TMCC1: variants seen among roughly 807,000 people sequenced by gnomAD.
TMCC1 encodes the protein transmembrane and coiled-coil domains protein 1.
TMCC1 carries 15 observed loss-of-function variants against 52.4 expected under a neutral mutation model. The ratio of observed to expected loss-of-function variants is 0.29; its 90% CI spans 0.19 to 0.44. TMCC1 has a LOEUF of 0.44. TMCC1 is among the 20% of genes least tolerant of loss of function. TMCC1 has a pLI of 1.00. For missense variants in TMCC1, 503 were observed against 806.0 expected (o/e 0.62, Z 4.55); for synonymous variants, 279 against 301.9 (o/e 0.92, Z 0.79).
chr3:129,695,809 G>A (rs528812613), intron 4 of TMCC1, among the ~76,000 whole-genome samples: 9 of 152,184 alleles, frequency 5.9e-5, no homozygotes, highest in African/African-American at 2.2e-4. Flanking sequence ...TGAGGACTAA[G>A]CTCTGATTTT....
intron 5 of TMCC1, among the ~76,000 whole-genome samples, chr3:129,668,453 G>C (rs1432084301): frequency 6.6e-6 from 1 of 152,152 alleles, no homozygotes; most frequent in African/African-American, 2.4e-5. Context: ...TAAGAGAACT[G>C]AAGAAACTTG....
At chr3:129,652,430 A>C (rs1350931929) in intron 6 of TMCC1, among the ~76,000 whole-genome samples, 2 of 152,182 alleles carry the variant, frequency 1.3e-5, no homozygotes, top group African/African-American at 4.8e-5. Flanking sequence ...GCCTTATTAT[A>C]TCCCCTCCCT....
intron 4 of TMCC1, among the ~76,000 whole-genome samples, chr3:129,731,780 C>T (rs2050565006): frequency 6.6e-6 from 1 of 152,010 alleles, no homozygotes; most frequent in Non-Finnish European, 1.5e-5. Context: ...GCCCCCAAGC[C>T]CGGCTAGTTT....
intron 5 of TMCC1, among the ~76,000 whole-genome samples, chr3:129,669,841 A>G (rs541335662): frequency 3.7e-4 from 56 of 152,342 alleles, no homozygotes; most frequent in African/African-American, 1.3e-3. Flanking sequence ...TTTCATGTTT[A>G]AGTCCACTCT....
chr3:129,725,543 G>T, intron 4 of TMCC1, among the ~76,000 whole-genome samples: 1 of 151,898 alleles, frequency 6.6e-6, no homozygotes, highest in East Asian at 1.9e-4. Context: ...ATAGAAAAAA[G>T]AAAATAGAAA....
intron 6 of TMCC1, 113 bp downstream of exon 6, chr3:129,654,855 G>A (rs931470576): frequency 1.4e-6 from 2 of 1,392,782 alleles, no homozygotes; most frequent in East Asian, 4.6e-5. Context: ...TTACACAGTT[G>A]GTATAAGCTT....
At chr3:129,845,625 A>G (rs2059629543) in intron 2 of TMCC1, among the ~76,000 whole-genome samples, 1 of 152,214 alleles carries the variant, frequency 6.6e-6, no homozygotes, top group Non-Finnish European at 1.5e-5. Context: ...AAGAGGCCCC[A>G]TGAAACTGAA....
chr3:129,864,655 AT>A (rs932317769), intron 2 of TMCC1, among the ~76,000 whole-genome samples: 8 of 152,166 alleles, frequency 5.3e-5, no homozygotes, highest in Non-Finnish European at 1.2e-4. Context: ...CTGTAGGAGA[AT>A]CATCTAAGCC....
intron 4 of TMCC1, among the ~76,000 whole-genome samples, chr3:129,680,090 A>G (rs551982888): frequency 1.3e-5 from 2 of 152,322 alleles, no homozygotes; most frequent in Non-Finnish European, 2.9e-5. Flanking sequence ...CTTAGAGTTC[A>G]TTTATACTCT....
At chr3:129,674,748 G>C (rs2108898687) in intron 4 of TMCC1, among the ~76,000 whole-genome samples, 1 of 152,372 alleles carries the variant, frequency 6.6e-6, no homozygotes, top group Non-Finnish European at 1.5e-5. Context: ...TTAGCTATGA[G>C]TTTTGAAGGC....
chr3:129,769,152 T>C (rs78681159), intron 4 of TMCC1, among the ~76,000 whole-genome samples: 2,877 of 152,354 alleles, frequency 0.019, 48 homozygotes, highest in Non-Finnish European at 0.029. Flanking sequence ...GTCCAACCCA[T>C]TGCCAGCGGG....
chr3:129,752,743 A>G (rs1275128146), intron 4 of TMCC1, among the ~76,000 whole-genome samples: 1 of 152,178 alleles, frequency 6.6e-6, no homozygotes, highest in Non-Finnish European at 1.5e-5. Flanking sequence ...AATCAATTTC[A>G]AAGAATAAGG....
intron 4 of TMCC1, among the ~76,000 whole-genome samples, chr3:129,691,407 T>C (rs2047020113): frequency 6.6e-6 from 1 of 151,376 alleles, no homozygotes; most frequent in African/African-American, 2.4e-5. Flanking sequence ...TGAGGTTTTG[T>C]GATTCTGTGT....
chr3:129,672,434 C>T (rs1211108932), intron 4 of TMCC1, among the ~76,000 whole-genome samples: 3 of 152,004 alleles, frequency 2.0e-5, no homozygotes, highest in South Asian at 2.1e-4. Context: ...CCCCTCTCTA[C>T]ACATTTTTTT....
intron 6 of TMCC1, among the ~76,000 whole-genome samples, chr3:129,653,448 C>T (rs1185763934): frequency 6.6e-6 from 1 of 152,206 alleles, no homozygotes; most frequent in Non-Finnish European, 1.5e-5. Flanking sequence ...AGTGTCTATT[C>T]TTGCTATTTT....
chr3:129,839,862 G>A (rs932818982), intron 2 of TMCC1, among the ~76,000 whole-genome samples: 4 of 151,972 alleles, frequency 2.6e-5, no homozygotes, highest in African/African-American at 7.2e-5. Context: ...TCCAGCCTGG[G>A]TGAGAGAGAG....
At chr3:129,803,376 T>C (rs374546630) in intron 4 of TMCC1, among the ~76,000 whole-genome samples, 1 of 152,186 alleles carries the variant, frequency 6.6e-6, no homozygotes, top group Non-Finnish European at 1.5e-5. Context: ...AGAGTTACTA[T>C]TTAATGGGTT....
intron 2 of TMCC1, among the ~76,000 whole-genome samples, chr3:129,851,248 C>T (rs537191927): frequency 5.3e-5 from 8 of 152,326 alleles, no homozygotes; most frequent in Admixed American, 1.3e-4. Context: ...AATATGCACA[C>T]CCTACAGGCC....
chr3:129,793,182 C>A (rs2056591146), intron 4 of TMCC1, among the ~76,000 whole-genome samples: 1 of 152,098 alleles, frequency 6.6e-6, no homozygotes, highest in African/African-American at 2.4e-5. Flanking sequence ...CACACACACA[C>A]ACACACACCA....
Sources: gnomAD v4.1 joint callset for allele counts (sites outside exome capture counted in the v4.1 genomes callset) on GRCh38, gnomAD v4.1.1 for gene constraint, MANE v1.5 for transcripts, NCBI Gene and HGNC (gene_info 2026-07-23, HGNC 2026-07-21) for gene names.